The following RABGEF1 variants were observed in gnomAD, a reference collection of about 807,000 sequenced individuals.
RABGEF1 encodes RAB guanine nucleotide exchange factor 1, also known as rab5 GDP/GTP exchange factor.
Under a neutral mutation model 57.3 loss-of-function variants are expected in RABGEF1, and 26 were observed. The ratio of observed to expected loss-of-function variants is 0.45; its 90% CI spans 0.33 to 0.63. The LOEUF (loss-of-function observed/expected upper bound fraction) is 0.63, where lower values mean the gene tolerates loss of function less well. Ranked by LOEUF, RABGEF1 falls within the 20% of genes least tolerant of loss-of-function variation. The probability of loss-of-function intolerance (pLI) is 0.02; values close to 1 mark genes in which losing one functional copy is unlikely to be tolerated. For synonymous variants in RABGEF1, 185 were observed against 210.7 expected (o/e 0.88, Z 1.06); for missense variants, 464 against 607.6 (o/e 0.76, Z 2.48).
At chr7:66,784,174 T>C (rs1379283228) in intron 4 of RABGEF1, among the ~76,000 whole-genome samples, 2 of 152,224 alleles carry the variant, frequency 1.3e-5, no homozygotes, top group Non-Finnish European at 2.9e-5. Context: ...TGTGCAACCA[T>C]TGTTAGGCCA....
chr7:66,764,467 G>C (rs1805199092), intron 1 of RABGEF1, among the ~76,000 whole-genome samples: 1 of 152,088 alleles, frequency 6.6e-6, no homozygotes, highest in South Asian at 2.1e-4. Flanking sequence ...TTTTGTTGGA[G>C]TACAATTTAT....
chr7:66,719,795 C>G (rs1021754669), intron 2 of RABGEF1, among the ~76,000 whole-genome samples: 1 of 152,164 alleles, frequency 6.6e-6, no homozygotes. Flanking sequence ...TATTAAATTA[C>G]ATACTGTCTT....
the RABGEF1 span, among the ~76,000 whole-genome samples, chr7:66,670,433 A>AT: frequency 0.013 from 1,559 of 115,880 alleles, 63 homozygotes; most frequent in East Asian, 0.033. Flanking sequence ...GAATGAGATG[A>AT]TTTTTTTTTT....
chr7:66,666,097 C>T, the RABGEF1 span: 678 of 152,418 alleles, frequency 4.4e-3, 2 homozygotes, highest in Non-Finnish European at 6.7e-3. Flanking sequence ...CTATGTGGTT[C>T]TCCATGGTCA....
At chr7:66,656,653 C>G in the RABGEF1 span, among the ~76,000 whole-genome samples, 1 of 151,922 alleles carries the variant, frequency 6.6e-6, no homozygotes, top group African/African-American at 2.4e-5. Flanking sequence ...AACCGTGTCT[C>G]TACTAAAAAC....
At chr7:66,716,980 T>C (rs976563074) in intron 2 of RABGEF1, among the ~76,000 whole-genome samples, 17 of 152,330 alleles carry the variant, frequency 1.1e-4, no homozygotes, top group African/African-American at 3.1e-4. Flanking sequence ...GGTTTCGCCA[T>C]GTTGGCCAGG....
At chr7:66,802,648 T>C (rs1787554276) in intron 7 of RABGEF1, among the ~76,000 whole-genome samples, 1 of 152,164 alleles carries the variant, frequency 6.6e-6, no homozygotes, top group Non-Finnish European at 1.5e-5. Flanking sequence ...CATGGGAAAA[T>C]CCAAAGAGTT....
At chr7:66,761,092 C>T (rs1352891413) in intron 1 of RABGEF1, among the ~76,000 whole-genome samples, 1 of 152,184 alleles carries the variant, frequency 6.6e-6, no homozygotes, top group Non-Finnish European at 1.5e-5. Context: ...AACAAAACCC[C>T]TCAAACTGTG....
chr7:66,731,228 T>C (rs1311813620), intron 2 of RABGEF1, among the ~76,000 whole-genome samples: 1 of 152,028 alleles, frequency 6.6e-6, no homozygotes, highest in Non-Finnish European at 1.5e-5. Flanking sequence ...AGAATGTCCT[T>C]GAGGAGTTCA....
chr7:66,739,481 C>T (rs769050569), upstream of RABGEF1, among the ~76,000 whole-genome samples: 1 of 150,916 alleles, frequency 6.6e-6, no homozygotes, highest in East Asian at 2.0e-4. Flanking sequence ...TGGTGAAACC[C>T]TGTCTCGACT....
chr7:66,666,154 T>A, the RABGEF1 span: 1 of 152,256 alleles, frequency 6.6e-6, no homozygotes, highest in Non-Finnish European at 1.5e-5. Context: ...GCCGGCAAAG[T>A]GGGGACCGGA....
At chr7:66,692,787 A>G (rs1222355739) in intron 1 of RABGEF1, among the ~76,000 whole-genome samples, 2 of 146,038 alleles carry the variant, frequency 1.4e-5, no homozygotes, top group Non-Finnish European at 3.0e-5. Context: ...AGGAACCTCC[A>G]CATTCCCAAG....
chr7:66,757,053 A>G (rs1802897479), intron 1 of RABGEF1, among the ~76,000 whole-genome samples: 1 of 152,172 alleles, frequency 6.6e-6, no homozygotes, highest in South Asian at 2.1e-4. Context: ...GCTGACATTC[A>G]TTTTGTTGAG....
chr7:66,725,521 G>A lies in RABGEF1; in HGVS notation c.-815+13297G>A, dbSNP rs574931081. On this transcript the variant is annotated intron_variant and NMD_transcript_variant, in intron 2 of 9. Transcript: ENST00000607882. ...CATGTTGTGGCATGTATCAGTTCTTGTTTCTTTTTATTGCCAATAACATTA... is the reference window on the plus strand; with the variant it reads ...CATGTTGTGGCATGTATCAGTTCTTATTTCTTTTTATTGCCAATAACATTA... Among the ~76,000 whole-genome samples, 8 of 152,276 alleles carry A rather than the reference G, an allele frequency of 5.3e-5. No homozygotes were observed. The East Asian group carries it at 1.2e-3, about 22-fold the overall frequency.
At chr7:66,671,620 C>T in the RABGEF1 span, among the ~76,000 whole-genome samples, 13 of 152,204 alleles carry the variant, frequency 8.5e-5, no homozygotes, top group East Asian at 2.3e-3. Flanking sequence ...TCTGTTGTTC[C>T]TGTCACTTAA....
At chr7:66,764,795 T>C (rs550588886) in intron 1 of RABGEF1, among the ~76,000 whole-genome samples, 12 of 152,352 alleles carry the variant, frequency 7.9e-5, no homozygotes, top group Middle Eastern at 3.4e-3. Context: ...ATTTCTGGAA[T>C]CTCAATTCTA....
intron 1 of RABGEF1, among the ~76,000 whole-genome samples, chr7:66,759,494 G>A (rs191070755): frequency 6.6e-6 from 1 of 152,098 alleles, no homozygotes; most frequent in Non-Finnish European, 1.5e-5. Context: ...ATATTAGTTC[G>A]TTCATTCTCA....
intron 1 of RABGEF1, among the ~76,000 whole-genome samples, chr7:66,704,531 C>G (rs1793725979): frequency 6.6e-6 from 1 of 152,140 alleles, no homozygotes; most frequent in Admixed American, 6.6e-5. Flanking sequence ...AAATAGTCGG[C>G]CAGGTGCGGT....
intron 7 of RABGEF1, among the ~76,000 whole-genome samples, chr7:66,802,495 TA>T (rs1787515896): frequency 6.6e-6 from 1 of 152,182 alleles, no homozygotes; most frequent in Non-Finnish European, 1.5e-5. Context: ...ATAGAGCAAT[TA>T]TGCAGGGCTC....
Sources: gnomAD v4.1 joint callset for allele counts (sites outside exome capture counted in the v4.1 genomes callset) on GRCh38, gnomAD v4.1.1 for gene constraint, MANE v1.5 for transcripts, NCBI Gene and HGNC (gene_info 2026-07-23, HGNC 2026-07-21) for gene names.